Variants in CACNA2D3 observed in about 807,000 individuals in gnomAD.
The protein encoded by CACNA2D3 is voltage-dependent calcium channel subunit alpha-2/delta-3.
A neutral mutation model predicts 160.6 loss-of-function variants in CACNA2D3; 60 were observed. The ratio of observed to expected loss-of-function variants is 0.37; its 90% CI spans 0.30 to 0.46. The LOEUF (loss-of-function observed/expected upper bound fraction) is 0.46, where lower values mean the gene tolerates loss of function less well. CACNA2D3 is among the 20% of genes least tolerant of loss of function. CACNA2D3 has a pLI of 1.00. For missense variants in CACNA2D3, 1,205 were observed against 1,365.0 expected (o/e 0.88, Z 1.85); for synonymous variants, 558 against 492.9 (o/e 1.13, Z -1.75).
intron 14 of CACNA2D3, among the ~76,000 whole-genome samples, chr3:54,830,073 A>G (rs1275891346): frequency 1.3e-5 from 2 of 151,414 alleles, no homozygotes; most frequent in Admixed American, 1.3e-4. Context: ...CCTCCTGAGT[A>G]GCTGGGATTA....
rs1351892075 is a variant in CACNA2D3, at chr3:54,178,392, T to C, written c.204+54798T>C. ...TCAGGTATTGATTGCCTAGCGATTT[T>C]GGTAACTCTGGTCTCCCAAGGTGGA... On this transcript the variant is annotated intron_variant, in intron 2 of 37. Coordinates refer to ENST00000474759, the MANE Select transcript of CACNA2D3 (RefSeq NM_018398.3). 2.0e-5 allele frequency among the ~76,000 whole-genome samples: 3 copies of C among 152,202 alleles called. No individual in the cohort carries two copies. The East Asian group carries it at 5.8e-4, about 29-fold the overall frequency.
chr3:54,723,132 G>A (rs1231039482), intron 11 of CACNA2D3, among the ~76,000 whole-genome samples: 2 of 152,254 alleles, frequency 1.3e-5, no homozygotes, highest in African/African-American at 4.8e-5. Context: ...GAGCAGCCTT[G>A]CTGAGCAGCA....
chr3:54,806,811 A>G (rs1231232173), intron 13 of CACNA2D3, among the ~76,000 whole-genome samples: 4 of 152,138 alleles, frequency 2.6e-5, no homozygotes, highest in Non-Finnish European at 4.4e-5. Flanking sequence ...CTATACTACA[A>G]GGCTACAGTA....
chr3:54,425,359 G>C (rs987821388), intron 4 of CACNA2D3, among the ~76,000 whole-genome samples: 3 of 151,478 alleles, frequency 2.0e-5, no homozygotes, highest in Non-Finnish European at 2.9e-5. Context: ...AAACAAAGAA[G>C]TCAGAAAGAT....
At chr3:54,794,408 T>A (rs2106655106) in intron 13 of CACNA2D3, among the ~76,000 whole-genome samples, 1 of 152,284 alleles carries the variant, frequency 6.6e-6, no homozygotes, top group East Asian at 1.9e-4. Context: ...CACAATACAT[T>A]GTTTTTATTT....
At position 54,971,568 on chromosome 3, in the gene CACNA2D3, G is replaced by A. The variant is rs78439183; in HGVS notation, c.2556+1724G>A. Among the ~76,000 whole-genome samples the A allele has an allele frequency of 5.1e-4, 78 of 152,264 alleles. No homozygotes were observed. The East Asian group carries it at 0.014, about 28-fold the overall frequency. On this transcript the variant is annotated intron_variant, in intron 29 of 37. Transcript: ENST00000474759. ...TGGTTGGTTGGTTACGTAGTTGGTC[G>A]ATTGATTGGATAGATGGTTGGATAG...
chr3:54,469,211 C>T (rs749786743), intron 4 of CACNA2D3, among the ~76,000 whole-genome samples: 5 of 152,148 alleles, frequency 3.3e-5, no homozygotes, highest in Non-Finnish European at 7.3e-5. Flanking sequence ...CCCTCTGGGA[C>T]GAAGCTTGCA....
chr3:54,338,467 CTGTGTGTGTGTGTGTG>C (rs71074965), intron 3 of CACNA2D3, among the ~76,000 whole-genome samples: 116 of 136,526 alleles, frequency 8.5e-4, no homozygotes, highest in South Asian at 3.9e-3. Flanking sequence ...TCTCCCCTCC[CTGTGTGTGTGTGTGTG>C]TGTGTGTGTG....
intron 27 of CACNA2D3, among the ~76,000 whole-genome samples, chr3:54,910,716 C>T (rs1320769713): frequency 6.6e-6 from 1 of 152,130 alleles, no homozygotes; most frequent in African/African-American, 2.4e-5. Flanking sequence ...CCTTACTTGC[C>T]TATTCAGTGT....
intron 31 of CACNA2D3, among the ~76,000 whole-genome samples, chr3:54,990,626 C>G: frequency 6.6e-6 from 1 of 152,190 alleles, no homozygotes; most frequent in East Asian, 1.9e-4. Flanking sequence ...GAGGAGAGCA[C>G]TACCTCCCTT....
chr3:54,433,111 CTGTT>C (rs1214510128), intron 4 of CACNA2D3, among the ~76,000 whole-genome samples: 15 of 152,300 alleles, frequency 9.8e-5, no homozygotes, highest in African/African-American at 2.6e-4. Context: ...TAAAATGACT[CTGTT>C]GAGCTCAACA....
chr3:54,271,980 G>A (rs1349158202), intron 2 of CACNA2D3, among the ~76,000 whole-genome samples: 1 of 152,128 alleles, frequency 6.6e-6, no homozygotes, highest in African/African-American at 2.4e-5. Flanking sequence ...TATCTAGATA[G>A]TGATCAGGGA....
intron 35 of CACNA2D3, among the ~76,000 whole-genome samples, chr3:55,044,636 A>T (rs1490848630): frequency 6.6e-6 from 1 of 151,550 alleles, no homozygotes; most frequent in Non-Finnish European, 1.5e-5. Flanking sequence ...ACTGACTGGA[A>T]CCTCCAGAGT....
chr3:54,734,796 C>T (rs192668022), intron 11 of CACNA2D3, among the ~76,000 whole-genome samples: 16 of 152,338 alleles, frequency 1.1e-4, no homozygotes, highest in African/African-American at 3.6e-4. Context: ...TCCTCGGCTT[C>T]ACTCTGGGCT....
At chr3:54,550,102 T>C (rs1323614103) in intron 5 of CACNA2D3, among the ~76,000 whole-genome samples, 2 of 151,964 alleles carry the variant, frequency 1.3e-5, no homozygotes, top group African/African-American at 2.4e-5. Context: ...CCACAGAGCA[T>C]AGGACAAGGC....
Position 54,562,897 on chromosome 3 carries a change from T to C in CACNA2D3, c.642T>C (p.Phe214=), listed in dbSNP as rs370427087. 2.5e-6 allele frequency: 4 copies of C among 1,613,818 alleles called. No homozygotes were observed. Among genetic ancestry groups the C allele is most frequent in the African/African-American group, 2.7e-5 (2 of 75,044 alleles). ...DRDPSLIWQY[F]GSAKGFFRQY... is the part of the protein sequence containing the mutation. ...ACCCATCTCTCATATGGCAGTACTT[T>C]GGAAGTGCAAAGGGCTTTTTTAGGC... The change falls in exon 6 of 38, where the codon TTT becomes TTC. Residue 214 remains phenylalanine, a synonymous_variant. Coordinates refer to ENST00000474759, the MANE Select transcript of CACNA2D3 (RefSeq NM_018398.3).
rs553796793 is a variant in CACNA2D3 at position 54,648,155 on chromosome 3, G to A, written c.1167+5914G>A. Among the ~76,000 whole-genome samples the A allele has an allele frequency of 1.1e-4, 17 of 152,326 alleles. No homozygotes were observed. The South Asian group carries it at 1.4e-3, about 13-fold the overall frequency. On this transcript the variant is annotated intron_variant, in intron 11 of 37. Coordinates refer to ENST00000474759, the MANE Select transcript of CACNA2D3 (RefSeq NM_018398.3). ...ATTAGCCAGGTTATTTAAAGGAGAG[G>A]TTGACAAACTGTGGTCCATGTGCCA...
Position 54,247,616 on chromosome 3 carries a change from CAAAG to C in CACNA2D3, c.205-72823_205-72820del, listed in dbSNP as rs369797250. Among the ~76,000 whole-genome samples, 279 of 152,008 alleles carry C rather than the reference CAAAG, an allele frequency of 1.8e-3. 2 individuals carry two copies. Among genetic ancestry groups the C allele is most frequent in the African/African-American group, 6.3e-3 (263 of 41,458 alleles). ...GAACATTGTAAATATAAAAAATAGA[CAAAG>C]AATTCAAGAGAAAGGGACACGCTAT... is the stretch of plus-strand genomic sequence containing the variant. On this transcript the variant is annotated intron_variant, in intron 2 of 37. Coordinates refer to ENST00000474759, the MANE Select transcript of CACNA2D3 (RefSeq NM_018398.3).
intron 27 of CACNA2D3, among the ~76,000 whole-genome samples, chr3:54,913,429 T>C (rs1700598779): frequency 6.6e-6 from 1 of 152,210 alleles, no homozygotes; most frequent in African/African-American, 2.4e-5. Flanking sequence ...GAAATACTTA[T>C]TGGCTAGCAT....
Sources: gnomAD v4.1 joint callset for allele counts (sites outside exome capture counted in the v4.1 genomes callset) on GRCh38, gnomAD v4.1.1 for gene constraint, MANE v1.5 for transcripts, NCBI Gene and HGNC (gene_info 2026-07-23, HGNC 2026-07-21) for gene names.